The following ADGRB3 variants were observed in gnomAD, a reference collection of about 807,000 sequenced individuals.
ADGRB3 encodes the protein adhesion G protein-coupled receptor B3.
ADGRB3 carries 37 observed loss-of-function variants against 193.4 expected under a neutral mutation model. The ratio of observed to expected loss-of-function variants is 0.19; its 90% confidence interval spans 0.15 to 0.25. ADGRB3 has a LOEUF of 0.25. Ranked by LOEUF, ADGRB3 falls within the 10% of genes least tolerant of loss-of-function variation. ADGRB3 has a pLI of 1.00. For missense variants in ADGRB3, 1,637 were observed against 1,852.9 expected (o/e 0.88, Z 2.14); for synonymous variants, 690 against 644.2 (o/e 1.07, Z -1.08).
At chr6:68,823,165 T>C (rs1371756656) in intron 3 of ADGRB3, among the ~76,000 whole-genome samples, 2 of 151,944 alleles carry the variant, frequency 1.3e-5, no homozygotes, top group South Asian at 4.1e-4. Context: ...ACAAAGAAAT[T>C]CTATAGTCAG....
chr6:68,977,742 A>G (rs1479504637), intron 10 of ADGRB3, among the ~76,000 whole-genome samples: 2 of 152,168 alleles, frequency 1.3e-5, no homozygotes, highest in African/African-American at 4.8e-5. Flanking sequence ...ACTAGGCACT[A>G]GGCTGGAAAC....
At chr6:68,833,253 A>T (rs1255657402) in intron 3 of ADGRB3, among the ~76,000 whole-genome samples, 1 of 152,070 alleles carries the variant, frequency 6.6e-6, no homozygotes, top group Non-Finnish European at 1.5e-5. Context: ...AGATTATTTC[A>T]TCCAAGATAG....
intron 10 of ADGRB3, among the ~76,000 whole-genome samples, chr6:68,986,291 G>A (rs1485355057): frequency 6.6e-6 from 1 of 152,090 alleles, no homozygotes; most frequent in Non-Finnish European, 1.5e-5. Context: ...ACAAGAAACT[G>A]GGATATCTGA....
chr6:69,273,898 A>G (rs1298028451), intron 20 of ADGRB3, among the ~76,000 whole-genome samples: 1 of 152,180 alleles, frequency 6.6e-6, no homozygotes, highest in Non-Finnish European at 1.5e-5. Flanking sequence ...GTCAGCAGCC[A>G]CCTGAGGTGT....
At chr6:69,211,534 A>C (rs1765667654) in intron 17 of ADGRB3, among the ~76,000 whole-genome samples, 1 of 152,208 alleles carries the variant, frequency 6.6e-6, no homozygotes, top group Non-Finnish European at 1.5e-5. Flanking sequence ...ATCAGGTAGA[A>C]AAATATCATA....
chr6:69,031,068 T>TC lies in ADGRB3; in HGVS notation c.2107+12570dup, dbSNP rs1562128969. ...TCTCTTCTCTTCTCTTCTCTTCTCTTCTCTTCTCTTCTCTTCTCTTCTCTT... is the reference window on the plus strand; with the variant it reads ...TCTCTTCTCTTCTCTTCTCTTCTCTTCCTCTTCTCTTCTCTTCTCTTCTCTT... On this transcript the variant is annotated intron_variant, in intron 13 of 31. Coordinates refer to ENST00000370598, the MANE Select transcript of ADGRB3 (RefSeq NM_001704.3). 7.6e-4 allele frequency among the ~76,000 whole-genome samples: 37 copies of TC among 48,716 alleles called. 1 individual carries two copies. The highest frequency in any genetic ancestry group is 1.8e-3 in the Non-Finnish European group (31 of 16,844). The allele number at this position is 48,716 out of a possible 152,430, so 32.0% of individuals were successfully genotyped here.
At chr6:68,929,465 T>G (rs1767275783) in intron 3 of ADGRB3, among the ~76,000 whole-genome samples, 1 of 152,140 alleles carries the variant, frequency 6.6e-6, no homozygotes, top group African/African-American at 2.4e-5. Flanking sequence ...AATTAGTGCT[T>G]ACAAGATACA....
At chr6:69,100,928 G>A (rs191838531) in intron 17 of ADGRB3, among the ~76,000 whole-genome samples, 25 of 8,200 alleles carry the variant, frequency 3.0e-3, no homozygotes, top group Admixed American at 5.3e-3. Flanking sequence ...GAAGGAAGGA[G>A]GGAGGGAGGG....
intron 17 of ADGRB3, among the ~76,000 whole-genome samples, chr6:69,098,159 T>C (rs1772937908): frequency 6.6e-6 from 1 of 152,216 alleles, no homozygotes; most frequent in South Asian, 2.1e-4. Flanking sequence ...CATAAACTCC[T>C]GGCTTCAAGC....
intron 20 of ADGRB3, among the ~76,000 whole-genome samples, chr6:69,316,180 G>GTATT (rs1322800695): frequency 6.6e-6 from 1 of 151,128 alleles, no homozygotes; most frequent in Non-Finnish European, 1.5e-5. Flanking sequence ...AGTAAATATA[G>GTATT]TATTATGTAT....
intron 3 of ADGRB3, among the ~76,000 whole-genome samples, chr6:68,692,100 T>C (rs1002718313): frequency 5.3e-5 from 8 of 151,832 alleles, no homozygotes; most frequent in Non-Finnish European, 8.8e-5. Context: ...ATTGCAGTAC[T>C]TAGACATCAC....
intron 3 of ADGRB3, among the ~76,000 whole-genome samples, chr6:68,810,971 T>C (rs1024398507): frequency 3.3e-5 from 5 of 152,148 alleles, no homozygotes; most frequent in Non-Finnish European, 7.4e-5. Context: ...ATATAAAAAC[T>C]CATCTGCTTT....
chr6:68,947,226 G>C (rs1002855853), intron 6 of ADGRB3, among the ~76,000 whole-genome samples: 2 of 151,892 alleles, frequency 1.3e-5, no homozygotes. Context: ...ATGGAAAGGT[G>C]CATGTTTGTG....
At chr6:69,384,975 C>T (rs777743522) in intron 31 of ADGRB3, among the ~76,000 whole-genome samples, 6 of 142,658 alleles carry the variant, frequency 4.2e-5, no homozygotes, top group East Asian at 2.0e-4. Flanking sequence ...TTTTTTTTTC[C>T]GGGCTGCTGA....
At chr6:69,208,682 A>G (rs1346037129) in intron 17 of ADGRB3, among the ~76,000 whole-genome samples, 2 of 152,190 alleles carry the variant, frequency 1.3e-5, no homozygotes, top group Admixed American at 6.5e-5. Flanking sequence ...CCATGAGGCC[A>G]TCAGTGCAGG....
rs1562128945 is a variant in ADGRB3, at chr6:69,031,063, TCTC to T, written c.2107+12565_2107+12567del. On this transcript the variant is annotated intron_variant, in intron 13 of 31. Coordinates refer to ENST00000370598, the MANE Select transcript of ADGRB3 (RefSeq NM_001704.3). ...TCTCTTCTCTTCTCTTCTCTTCTCT[TCTC>T]TTCTCTTCTCTTCTCTTCTCTTCTC... is the stretch of plus-strand genomic sequence containing the variant. 1.6e-3 allele frequency among the ~76,000 whole-genome samples: 73 copies of T among 46,114 alleles called. 6 individuals are homozygous for T. The highest frequency in any genetic ancestry group is 2.8e-3 in the Admixed American group (16 of 5,686). The allele number at this position is 46,114 out of a possible 152,430, so 30.3% of individuals were successfully genotyped here.
intron 8 of ADGRB3, among the ~76,000 whole-genome samples, chr6:68,971,807 C>T (rs975359637): frequency 6.6e-6 from 1 of 152,216 alleles, no homozygotes; most frequent in South Asian, 2.1e-4. Flanking sequence ...TCTTTTCCAC[C>T]GCTTCCCCTT....
intron 3 of ADGRB3, among the ~76,000 whole-genome samples, chr6:68,698,535 A>G (rs1441250812): frequency 6.6e-6 from 1 of 152,012 alleles, no homozygotes; most frequent in African/African-American, 2.4e-5. Context: ...ATTTTGTTCT[A>G]TCTTTTAAAT....
At chr6:68,827,558 T>C (rs1767868046) in intron 3 of ADGRB3, among the ~76,000 whole-genome samples, 2 of 151,868 alleles carry the variant, frequency 1.3e-5, no homozygotes, top group African/African-American at 4.8e-5. Flanking sequence ...TGCTCCGGAA[T>C]AGATGAGAAA....
Sources: gnomAD v4.1 joint callset for allele counts (sites outside exome capture counted in the v4.1 genomes callset) on GRCh38, gnomAD v4.1.1 for gene constraint, MANE v1.5 for transcripts, NCBI Gene and HGNC (gene_info 2026-07-23, HGNC 2026-07-21) for gene names.